INTS9: variants seen among roughly 807,000 people sequenced by gnomAD.
INTS9 encodes integrator complex subunit 9.
In INTS9, 55 loss-of-function variants were observed where a neutral mutation model predicts 79.7. The observed-to-expected ratio is 0.69, with a 90% CI of 0.56 to 0.86. The LOEUF (loss-of-function observed/expected upper bound fraction) is 0.86. Among genes scored for constraint, INTS9 ranks in the 40% least tolerant of loss-of-function variants. The probability of loss-of-function intolerance (pLI) is 0.00; values close to 1 mark genes in which losing one functional copy is unlikely to be tolerated. For synonymous variants in INTS9, 319 were observed against 325.2 expected (o/e 0.98, Z 0.20); for missense variants, 721 against 831.5 (o/e 0.87, Z 1.64).
chr8:28,881,691 C>T (rs1447291533), intron 1 of INTS9, among the ~76,000 whole-genome samples: 1 of 136,850 alleles, frequency 7.3e-6, no homozygotes, highest in Non-Finnish European at 1.6e-5. Context: ...GCCGCCCCGT[C>T]CGGGAGGGAG....
intron 9 of INTS9, among the ~76,000 whole-genome samples, chr8:28,795,150 T>G (rs990894031): frequency 1.3e-5 from 2 of 152,216 alleles, no homozygotes; most frequent in African/African-American, 2.4e-5. Context: ...TCACTTAAAG[T>G]TGCTGGAGCT....
At position 28,813,472 on chromosome 8, in the gene INTS9, AAT is replaced by A. The variant is rs1318145763; in HGVS notation, c.609+18_609+19del. The stretch of plus-strand genomic sequence containing the variant: ...ATGGAAAGCATTCATGAATAACTGA[AAT>A]GTAATATGAATACTCACAATTTTCT... On this transcript the variant is annotated intron_variant, in intron 7 of 16. Coordinates refer to ENST00000521022, the MANE Select transcript of INTS9 (RefSeq NM_018250.4). The A allele has an allele frequency of 3.7e-6, 6 of 1,608,646 alleles. No homozygotes were observed. The African/African-American group carries it at 4.0e-5, about 11-fold the overall frequency.
intron 2 of INTS9, among the ~76,000 whole-genome samples, chr8:28,851,530 C>G (rs575079169): frequency 3.3e-5 from 5 of 151,874 alleles, no homozygotes; most frequent in African/African-American, 1.2e-4. Flanking sequence ...CTCTGCCTCC[C>G]GGGTCCACGC....
chr8:28,830,691 G>A (rs1806429770), intron 6 of INTS9, among the ~76,000 whole-genome samples: 3 of 151,076 alleles, frequency 2.0e-5, no homozygotes, highest in African/African-American at 7.3e-5. Flanking sequence ...TTTATGCTGA[G>A]TTTATCTAGG....
intron 1 of INTS9, among the ~76,000 whole-genome samples, chr8:28,886,756 C>T (rs1026893905): frequency 5.3e-5 from 8 of 152,102 alleles, no homozygotes; most frequent in African/African-American, 1.4e-4. Flanking sequence ...AACTTTAAGC[C>T]ACTTACTTCA....
chr8:28,883,957 C>G (rs576024217), intron 1 of INTS9, among the ~76,000 whole-genome samples: 1 of 152,186 alleles, frequency 6.6e-6, no homozygotes, highest in Non-Finnish European at 1.5e-5. Context: ...CTAAATATTG[C>G]TGAACATCAG....
chr8:28,800,357 TG>T (rs1422824565), intron 8 of INTS9, among the ~76,000 whole-genome samples: 3 of 152,060 alleles, frequency 2.0e-5, no homozygotes, highest in Non-Finnish European at 4.4e-5. Flanking sequence ...ATATGCCAAA[TG>T]AATGTACTTG....
intron 4 of INTS9, among the ~76,000 whole-genome samples, chr8:28,842,889 A>G (rs951619737): frequency 3.3e-5 from 5 of 152,208 alleles, no homozygotes; most frequent in Admixed American, 1.3e-4. Context: ...CAGAGTTGAC[A>G]GTCCTTTCCA....
chr8:28,777,475 G>A (rs532745022), intron 13 of INTS9, among the ~76,000 whole-genome samples: 3 of 151,832 alleles, frequency 2.0e-5, no homozygotes, highest in South Asian at 2.1e-4. Flanking sequence ...CTACACGTGC[G>A]ACACGGCCCC....
At chr8:28,781,736 A>G (rs1444469805) in intron 11 of INTS9, among the ~76,000 whole-genome samples, 1 of 152,326 alleles carries the variant, frequency 6.6e-6, no homozygotes, top group African/African-American at 2.4e-5. Context: ...AGGCAAAACT[A>G]TACAGATAGT....
chr8:28,793,621 T>G, intron 10 of INTS9, 186 bp downstream of exon 10: 1 of 550,050 alleles, frequency 1.8e-6, no homozygotes, highest in Non-Finnish European at 3.1e-6. Flanking sequence ...CTTTGACAAC[T>G]ATTATTCTAA....
chr8:28,814,858 G>A (rs572262057), intron 6 of INTS9, among the ~76,000 whole-genome samples: 4 of 152,122 alleles, frequency 2.6e-5, no homozygotes, highest in Admixed American at 6.6e-5. Flanking sequence ...AAAAATTAAT[G>A]AAAAGATTCT....
At chr8:28,812,296 G>A in intron 8 of INTS9, 31 bp downstream of exon 8, 3 of 1,607,408 alleles carry the variant, frequency 1.9e-6, no homozygotes, top group Non-Finnish European at 2.6e-6. Context: ...TAACCAAAAA[G>A]CTGAGTTGCT....
intron 2 of INTS9, among the ~76,000 whole-genome samples, chr8:28,853,821 C>T (rs997540364): frequency 4.6e-5 from 7 of 151,734 alleles, no homozygotes; most frequent in Non-Finnish European, 7.4e-5. Context: ...TGGGTTTGCA[C>T]CATTCTTCTG....
At chr8:28,864,917 C>T (rs965647513) in intron 1 of INTS9, among the ~76,000 whole-genome samples, 4 of 148,030 alleles carry the variant, frequency 2.7e-5, no homozygotes, top group Non-Finnish European at 4.4e-5. Context: ...ACCCAGGAGG[C>T]GGAGGTTGCA....
rs76517284 is a variant in INTS9 at position 28,796,335 on chromosome 8, A to G, written c.856+209T>C. Among the ~76,000 whole-genome samples the G allele has an allele frequency of 4.5e-3, 687 of 152,100 alleles. 3 individuals are homozygous for G. The highest frequency in any genetic ancestry group is 0.015 in the African/African-American group (631 of 41,504). ...AAAACAACCACACAAACATTCATAC[A>G]TATCTATCTGTTCACTGTATCGCTG... On this transcript the variant is annotated intron_variant, in intron 9 of 16. Transcript: ENST00000521022.
At chr8:28,791,636 T>C (rs1196628740) in intron 10 of INTS9, among the ~76,000 whole-genome samples, 1 of 152,218 alleles carries the variant, frequency 6.6e-6, no homozygotes, top group Non-Finnish European at 1.5e-5. Context: ...TGTGTGGGTA[T>C]GTGTGTATAT....
At chr8:28,788,268 A>G (rs1200034808) in intron 10 of INTS9, among the ~76,000 whole-genome samples, 4 of 152,188 alleles carry the variant, frequency 2.6e-5, no homozygotes, top group Admixed American at 6.5e-5. Flanking sequence ...ACAATCAACT[A>G]AACTCCAGAC....
intron 8 of INTS9, among the ~76,000 whole-genome samples, chr8:28,807,358 G>A (rs1352701488): frequency 2.6e-5 from 4 of 152,154 alleles, no homozygotes; most frequent in Non-Finnish European, 5.9e-5. Context: ...ATTAGAAAAA[G>A]AGGGAAAGGC....
Sources: gnomAD v4.1 joint callset for allele counts (sites outside exome capture counted in the v4.1 genomes callset) on GRCh38, gnomAD v4.1.1 for gene constraint, MANE v1.5 for transcripts, NCBI Gene and HGNC (gene_info 2026-07-23, HGNC 2026-07-21) for gene names.